The following ZNF488 variants were observed in gnomAD, a reference collection of about 807,000 sequenced individuals.
The protein encoded by ZNF488 is zinc finger protein 488.
Under a neutral mutation model 1.2 loss-of-function variants are expected in ZNF488, and 1 was observed. That is an observed-to-expected ratio of 0.86 (90% CI 0.30 to 4.07). The LOEUF (loss-of-function observed/expected upper bound fraction) is 4.07. Among genes scored for constraint, ZNF488 ranks in the 30% most tolerant of loss-of-function variants. The pLI is 0.18. For missense variants in ZNF488, 450 were observed against 437.9 expected (o/e 1.03, Z -0.25); for synonymous variants, 185 against 190.1 (o/e 0.97, Z 0.22).
At chr10:47,381,355 T>G (rs1399266445) in intron 1 of ZNF488, among the ~76,000 whole-genome samples, 1 of 152,286 alleles carries the variant, frequency 6.6e-6, no homozygotes, top group Non-Finnish European at 1.5e-5. Context: ...TGCAGAAGCT[T>G]CCCAGACCCT....
chr10:47,371,689 T>C (rs540799520), intron 1 of ZNF488, among the ~76,000 whole-genome samples: 1 of 152,114 alleles, frequency 6.6e-6, no homozygotes, highest in South Asian at 2.1e-4. Flanking sequence ...CAGAATTCTG[T>C]AAGGGATTCT....
chr10:47,369,398 C>T (rs191363086), intron 1 of ZNF488, among the ~76,000 whole-genome samples: 4 of 152,292 alleles, frequency 2.6e-5, no homozygotes, highest in South Asian at 2.1e-4. Flanking sequence ...GCTCCATGCT[C>T]GAGCTACCTC....
intron 1 of ZNF488, among the ~76,000 whole-genome samples, chr10:47,383,072 G>T (rs557396272): frequency 2.0e-5 from 3 of 152,040 alleles, no homozygotes; most frequent in Non-Finnish European, 4.4e-5. Flanking sequence ...AAATTGCCTC[G>T]ATATAGTTCT....
chr10:47,367,709 T>C lies in ZNF488; in HGVS notation c.*98A>G. On this transcript the variant is annotated 3_prime_UTR_variant, in exon 2 of 2. Transcript: ENST00000585316. ...CTATGAATGCCAAAAGCAGCAGCTC[T>C]GCAAAGGACCATGACAGCCCCCTCA... 1 of 1,389,162 alleles carries C rather than the reference T, an allele frequency of 7.2e-7. No individual in the cohort carries two copies. The highest frequency in any genetic ancestry group is 9.8e-7 in the Non-Finnish European group (1 of 1,020,614). 86.1% of individuals were successfully genotyped at this position (1,389,162 alleles called of 1,614,324 possible).
chr10:47,380,744 G>A (rs1430503123), intron 1 of ZNF488, among the ~76,000 whole-genome samples: 6 of 21,096 alleles, frequency 2.8e-4, no homozygotes, highest in Admixed American at 1.3e-3. Flanking sequence ...TTAAGTGCAC[G>A]GGCTCCACGG....
At chr10:47,369,180 C>T (rs1837368646) in intron 1 of ZNF488, among the ~76,000 whole-genome samples, 1 of 152,218 alleles carries the variant, frequency 6.6e-6, no homozygotes, top group African/African-American at 2.4e-5. Context: ...GGGCAGCAGC[C>T]TCTACAGCTC....
Position 47,368,222 on chromosome 10 carries a change from C to G in ZNF488, c.608G>C (p.Cys203Ser). Residue 203 changes from cysteine to serine, a missense_variant, in exon 2 of 2, where the codon TGT becomes TCT. Coordinates refer to ENST00000585316, the MANE Select transcript of ZNF488 (RefSeq NM_153034.4). ...CTTGGGAGTTGAAAGTCGACCCCAA[C>G]AAGCGAGGTCTGTAGTGTTGAGGAG... ...SGLLNTTDLACWGRLSTPKLL... is the reference protein window; with the variant it reads ...SGLLNTTDLASWGRLSTPKLL... 1 of 1,614,232 alleles carries G rather than the reference C, an allele frequency of 6.2e-7. No homozygotes were observed. Among genetic ancestry groups the G allele is most frequent in the Non-Finnish European group, 8.5e-7 (1 of 1,180,046 alleles).
At chr10:47,372,140 C>G (rs1486162250) in intron 1 of ZNF488, among the ~76,000 whole-genome samples, 1 of 152,206 alleles carries the variant, frequency 6.6e-6, no homozygotes, top group Non-Finnish European at 1.5e-5. Flanking sequence ...CTACATAAGA[C>G]TGGTGACTCT....
chr10:47,382,526 C>T (rs892110913), intron 1 of ZNF488, among the ~76,000 whole-genome samples: 7 of 152,008 alleles, frequency 4.6e-5, no homozygotes, highest in Non-Finnish European at 5.9e-5. Flanking sequence ...GCAAAGCAGA[C>T]ACGATGATTC....
At chr10:47,379,923 T>C (rs368559000) in intron 1 of ZNF488, among the ~76,000 whole-genome samples, 1 of 151,878 alleles carries the variant, frequency 6.6e-6, no homozygotes, top group South Asian at 2.1e-4. Flanking sequence ...ACGTGGCTCC[T>C]GCTTTCCTCC....
intron 1 of ZNF488, among the ~76,000 whole-genome samples, chr10:47,370,207 G>C (rs533680789): frequency 2.3e-4 from 35 of 152,376 alleles, no homozygotes; most frequent in African/African-American, 8.4e-4. Context: ...TGTGCTCCTT[G>C]CTGGGCACTT....
At chr10:47,375,924 G>A (rs191531580) in intron 1 of ZNF488, among the ~76,000 whole-genome samples, 228 of 152,294 alleles carry the variant, frequency 1.5e-3, no homozygotes, top group African/African-American at 5.0e-3. Flanking sequence ...AACGGCACAC[G>A]CGAATGCCAG....
chr10:47,368,558 G>C lies in ZNF488; in HGVS notation c.272C>G (p.Pro91Arg), dbSNP rs529742900. The C allele has an allele frequency of 2.5e-6, 4 of 1,612,922 alleles. No homozygotes were observed. The African/African-American group carries it at 5.3e-5, about 21-fold the overall frequency. ...GKPRPGKPLP[P>R]KTRGEQRQSA... ...CTGCCTCTGCTCTCCACGTGTCTTC[G>C]GGGGCAGCGGCTTGCCAGGTCGGGG... The change falls in exon 2 of 2, where the codon CCG (proline) becomes CGG (arginine). Residue 91 changes from proline (P) to arginine (R), a missense_variant. By Grantham distance (103) the Pro-to-Arg change is moderately radical. Transcript: ENST00000585316.
chr10:47,369,019 A>G (rs538699313), intron 1 of ZNF488, 82 bp from the exon 2 acceptor site: 99 of 636,754 alleles, frequency 1.6e-4, no homozygotes, highest in African/African-American at 1.5e-3. Context: ...ATCAGACAGG[A>G]CCCTGATGCT....
chr10:47,371,376 C>T (rs1837459440), intron 1 of ZNF488, among the ~76,000 whole-genome samples: 1 of 151,874 alleles, frequency 6.6e-6, no homozygotes, highest in Non-Finnish European at 1.5e-5. Context: ...AGCCTATCTA[C>T]CAAATAAACA....
intron 1 of ZNF488, among the ~76,000 whole-genome samples, chr10:47,370,220 C>T (rs1837412424): frequency 6.6e-6 from 1 of 152,272 alleles, no homozygotes; most frequent in Admixed American, 6.5e-5. Context: ...GGGCACTTGG[C>T]CCCTGCCCAG....
intron 1 of ZNF488, among the ~76,000 whole-genome samples, chr10:47,379,393 C>G (rs1555214816): frequency 1.3e-5 from 2 of 149,494 alleles, no homozygotes; most frequent in African/African-American, 5.0e-5. Context: ...ATTAAATATC[C>G]CACCCAGCTT....
rs782262260 is a variant in ZNF488 at position 47,368,669 on chromosome 10, T to C, written c.161A>G (p.Asn54Ser). The change falls in exon 2 of 2, where the codon AAC (asparagine) becomes AGC (serine). Residue 54 changes from asparagine (N) to serine (S), a missense_variant. Asn to Ser is a conservative substitution (Grantham distance 46). Transcript: ENST00000585316. ...GCKPVLLEKT[N>S]RLGPEAAVGR... Reference sequence around the variant, plus strand: ...CACAGCAGCCTCAGGGCCCAGGCGGTTCGTCTTCTCGAGCAGCACTGGCTT... The same window carrying C: ...CACAGCAGCCTCAGGGCCCAGGCGGCTCGTCTTCTCGAGCAGCACTGGCTT... 6.2e-7 allele frequency: 1 copy of C among 1,612,056 alleles called. No individual in the cohort carries two copies. Among genetic ancestry groups the C allele is most frequent in the African/African-American group, 1.3e-5 (1 of 74,920 alleles).
In ZNF488 at chr10:47,368,635, C is replaced by T. The variant is rs141791162; in HGVS notation, c.195G>A (p.Ala65=). Residue 65 remains alanine (A), a synonymous_variant, in exon 2 of 2, where the codon GCG becomes GCA. Transcript: ENST00000585316. ...GCTCCGCACTGCCCACATCCCGGCC[C>T]GCCCTGCCCACAGCAGCCTCAGGGC... is the stretch of plus-strand genomic sequence containing the variant. The part of the protein sequence containing the change: ...RLGPEAAVGR[A]GRDVGSAELA... The T allele has an allele frequency of 5.3e-5, 85 of 1,610,446 alleles. No homozygotes were observed. The highest frequency in any genetic ancestry group is 8.0e-5 in the African/African-American group (6 of 74,932).
Sources: gnomAD v4.1 joint callset for allele counts (sites outside exome capture counted in the v4.1 genomes callset) on GRCh38, gnomAD v4.1.1 for gene constraint, MANE v1.5 for transcripts, NCBI Gene and HGNC (gene_info 2026-07-23, HGNC 2026-07-21) for gene names.